SYNPO2: variants seen among roughly 807,000 people sequenced by gnomAD.
The protein encoded by SYNPO2 is synaptopodin-2.
In SYNPO2, 56 loss-of-function variants were observed where a neutral mutation model predicts 85.0. The ratio of observed to expected loss-of-function variants is 0.66; its 90% CI spans 0.53 to 0.82. The LOEUF is 0.82. Among genes scored for constraint, SYNPO2 ranks in the 40% least tolerant of loss-of-function variants. The pLI is 0.00. For synonymous variants in SYNPO2, 602 were observed against 591.1 expected (o/e 1.02, Z -0.27); for missense variants, 1,575 against 1,534.2 (o/e 1.03, Z -0.44).
At position 118,950,693 on chromosome 4, in the gene SYNPO2, C is replaced by G. The variant is rs562810206; in HGVS notation, c.105+61552C>G. Among the ~76,000 whole-genome samples, 36 of 152,262 alleles carry G rather than the reference C, an allele frequency of 2.4e-4. 1 individual carries two copies. Among genetic ancestry groups the G allele is most frequent in the Admixed American group, 2.3e-3 (35 of 15,294 alleles). On this transcript the variant is annotated intron_variant, in intron 1 of 4. Transcript: ENST00000307142. ...TTACTTATGAAAATGTGCTCACAGG[C>G]AAGTGGACTATCTCTAGGAATCACC...
intron 4 of SYNPO2, chr4:119,034,969 G>A: frequency 1.0e-6 from 1 of 985,410 alleles, no homozygotes; most frequent in Non-Finnish European, 1.2e-6. Context: ...TAGTTTTTAG[G>A]ACTTTGCCTC....
At chr4:118,942,136 G>T (rs1320853318) in intron 1 of SYNPO2, among the ~76,000 whole-genome samples, 2 of 152,188 alleles carry the variant, frequency 1.3e-5, no homozygotes, top group Admixed American at 1.3e-4. Context: ...CTAGCTCTGG[G>T]AAGGACAGTC....
intron 1 of SYNPO2, among the ~76,000 whole-genome samples, chr4:118,968,682 G>C (rs1735408012): frequency 6.6e-6 from 1 of 152,208 alleles, no homozygotes; most frequent in Non-Finnish European, 1.5e-5. Context: ...TGGTGGAGGA[G>C]TGATGGGTCT....
At chr4:118,928,333 A>C (rs1163501454) in intron 1 of SYNPO2, among the ~76,000 whole-genome samples, 1 of 152,216 alleles carries the variant, frequency 6.6e-6, no homozygotes, top group Non-Finnish European at 1.5e-5. Context: ...CTGTGATTAC[A>C]CTGAAGGAAA....
chr4:118,925,176 C>A (rs1281616837), intron 1 of SYNPO2, among the ~76,000 whole-genome samples: 1 of 152,038 alleles, frequency 6.6e-6, no homozygotes, highest in Non-Finnish European at 1.5e-5. Flanking sequence ...CATTTCAGTG[C>A]CATGGTTATT....
chr4:118,869,964 A>G (rs1731774218), intron 1 of SYNPO2, among the ~76,000 whole-genome samples: 1 of 152,152 alleles, frequency 6.6e-6, no homozygotes, highest in African/African-American at 2.4e-5. Context: ...AATAACCACA[A>G]CAATAACAAC....
At chr4:118,881,345 C>T (rs967610221) in intron 1 of SYNPO2, among the ~76,000 whole-genome samples, 1 of 151,446 alleles carries the variant, frequency 6.6e-6, no homozygotes, top group African/African-American at 2.4e-5. Context: ...AAGATATAGA[C>T]CTGTCCAGAG....
intron 1 of SYNPO2, among the ~76,000 whole-genome samples, chr4:118,991,942 C>A (rs1028664368): frequency 6.6e-6 from 1 of 152,044 alleles, no homozygotes; most frequent in Non-Finnish European, 1.5e-5. Context: ...TAATGGAGTT[C>A]GACTGGAAAG....
chr4:119,035,946 C>T lies in SYNPO2; in HGVS notation c.3252+3919C>T, dbSNP rs544796732. ...GTCATTCGGCTGCTAAGAGGCATGT[C>T]GAACACTCTGTGTGGCTCTTTCACA... On this transcript the variant is annotated intron_variant, in intron 4 of 4. Coordinates refer to ENST00000307142, the MANE Select transcript of SYNPO2 (RefSeq NM_133477.3). 16 of 985,324 alleles carry T rather than the reference C, an allele frequency of 1.6e-5. No individual in the cohort carries two copies. The African/African-American group carries it at 2.1e-4, about 13-fold the overall frequency. 61.0% of individuals were successfully genotyped at this position (985,324 alleles called of 1,614,324 possible).
intron 1 of SYNPO2, among the ~76,000 whole-genome samples, chr4:119,001,120 T>TG (rs1736809636): frequency 6.6e-6 from 1 of 152,196 alleles, no homozygotes; most frequent in Non-Finnish European, 1.5e-5. Flanking sequence ...TTGTGCCCCA[T>TG]GGGGGGTGCC....
chr4:119,012,194 A>T (rs1301070247), intron 1 of SYNPO2, among the ~76,000 whole-genome samples: 2 of 151,892 alleles, frequency 1.3e-5, no homozygotes, highest in African/African-American at 2.4e-5. Context: ...AAGTTCTGGG[A>T]TTATAGGCAT....
chr4:119,052,559 T>C (rs889442237), intron 4 of SYNPO2, among the ~76,000 whole-genome samples: 1 of 152,180 alleles, frequency 6.6e-6, no homozygotes, highest in Non-Finnish European at 1.5e-5. Context: ...CTCCTTTTTT[T>C]CCTCCAACCC....
intron 1 of SYNPO2, among the ~76,000 whole-genome samples, chr4:118,954,941 T>C (rs2149144365): frequency 6.6e-6 from 1 of 151,580 alleles, no homozygotes; most frequent in Non-Finnish European, 1.5e-5. Context: ...CCCAAGCCCA[T>C]ACAGGTAATA....
intron 1 of SYNPO2, among the ~76,000 whole-genome samples, chr4:118,903,217 T>C (rs1732816586): frequency 6.6e-6 from 1 of 152,190 alleles, no homozygotes; most frequent in Non-Finnish European, 1.5e-5. Context: ...TACATTAAGA[T>C]GATTTCCTTG....
intron 1 of SYNPO2, among the ~76,000 whole-genome samples, chr4:118,914,505 G>A (rs1464436517): frequency 6.6e-6 from 1 of 152,086 alleles, no homozygotes; most frequent in East Asian, 1.9e-4. Context: ...AAAAAGGAGA[G>A]TATTTCAAGG....
intron 4 of SYNPO2, chr4:119,043,697 G>A (rs1738788265): frequency 6.6e-6 from 1 of 152,152 alleles, no homozygotes; most frequent in African/African-American, 2.4e-5. Context: ...CAGCACTTTG[G>A]GAAGCTGAGG....
At chr4:118,877,347 G>A (rs75284445) in intron 1 of SYNPO2, among the ~76,000 whole-genome samples, 2,251 of 152,140 alleles carry the variant, frequency 0.015, 31 homozygotes, top group Non-Finnish European at 0.022. Context: ...TACAAAAACA[G>A]AAATTGACAA....
At chr4:118,876,873 G>A (rs1474856976) in intron 1 of SYNPO2, among the ~76,000 whole-genome samples, 69 of 150,582 alleles carry the variant, frequency 4.6e-4, no homozygotes, top group Non-Finnish European at 7.4e-5. Flanking sequence ...TCACTGCAAC[G>A]TTGACCTCCC....
intron 1 of SYNPO2, among the ~76,000 whole-genome samples, chr4:118,867,597 C>T (rs111464307): frequency 6.6e-6 from 1 of 151,678 alleles, no homozygotes; most frequent in African/African-American, 2.4e-5. Context: ...TCATGCCTAC[C>T]GATTTAAAAA....
Sources: gnomAD v4.1 joint callset for allele counts (sites outside exome capture counted in the v4.1 genomes callset) on GRCh38, gnomAD v4.1.1 for gene constraint, MANE v1.5 for transcripts, NCBI Gene and HGNC (gene_info 2026-07-23, HGNC 2026-07-21) for gene names.